Variants in SLC44A5 observed in about 807,000 individuals in gnomAD.
SLC44A5 encodes the protein choline transporter-like protein 5.
SLC44A5 carries 57 observed loss-of-function variants against 101.8 expected under a neutral mutation model. That is an observed-to-expected ratio of 0.56 (90% confidence interval 0.45 to 0.70). The LOEUF (loss-of-function observed/expected upper bound fraction) is 0.70, where lower values mean the gene tolerates loss of function less well. Ranked by LOEUF, SLC44A5 falls within the 30% of genes least tolerant of loss-of-function variation. SLC44A5 has a pLI of 0.00. For synonymous variants in SLC44A5, 281 were observed against 290.9 expected (o/e 0.97, Z 0.35); for missense variants, 737 against 853.1 (o/e 0.86, Z 1.70).
At chr1:75,670,998 G>T in the SLC44A5 span, among the ~76,000 whole-genome samples, 2 of 152,164 alleles carry the variant, frequency 1.3e-5, no homozygotes, top group African/African-American at 4.8e-5. Flanking sequence ...AGCACTGCAC[G>T]TAACATAGGG....
chr1:75,487,625 T>C (rs1013085814), intron 2 of SLC44A5, among the ~76,000 whole-genome samples: 1 of 152,246 alleles, frequency 6.6e-6, no homozygotes, highest in Non-Finnish European at 1.5e-5. Flanking sequence ...TACGTTGAGA[T>C]GATTTTTGGC....
upstream of SLC44A5, chr1:75,615,751 A>G (rs1675851451): frequency 1.5e-6 from 1 of 666,406 alleles, no homozygotes; most frequent in East Asian, 1.4e-4. Context: ...CCCCGGCAGG[A>G]GCCTTCCACT....
chr1:75,657,434 A>G, the SLC44A5 span, among the ~76,000 whole-genome samples: 1 of 151,852 alleles, frequency 6.6e-6, no homozygotes, highest in Non-Finnish European at 1.5e-5. Flanking sequence ...CTGTAGACCC[A>G]GCTACTAGGT....
intron 2 of SLC44A5, among the ~76,000 whole-genome samples, chr1:75,454,247 C>T (rs191398570): frequency 5.2e-4 from 79 of 152,024 alleles, no homozygotes; most frequent in African/African-American, 1.5e-3. Flanking sequence ...GTTCAACATG[C>T]GCAAATCAAT....
intron 4 of SLC44A5, among the ~76,000 whole-genome samples, chr1:75,331,704 C>T (rs1474300232): frequency 1.3e-5 from 2 of 152,262 alleles, no homozygotes; most frequent in East Asian, 1.9e-4. Flanking sequence ...GCATCTCCTA[C>T]CCACCCACTA....
intron 2 of SLC44A5, among the ~76,000 whole-genome samples, chr1:75,506,366 A>G (rs1303172801): frequency 6.6e-6 from 1 of 152,188 alleles, no homozygotes. Flanking sequence ...ACTTTAGAAT[A>G]GTTTGTTTCT....
At chr1:75,243,645 T>C (rs1648854310) in intron 7 of SLC44A5, among the ~76,000 whole-genome samples, 1 of 152,118 alleles carries the variant, frequency 6.6e-6, no homozygotes, top group South Asian at 2.1e-4. Context: ...CACTCTGTTT[T>C]CCTCAATGGT....
chr1:75,591,236 G>A (rs1249915339), intron 1 of SLC44A5, among the ~76,000 whole-genome samples: 2 of 152,122 alleles, frequency 1.3e-5, no homozygotes, highest in South Asian at 2.1e-4. Flanking sequence ...CCCTAAGGTG[G>A]GAGAAAGTGA....
intron 2 of SLC44A5, among the ~76,000 whole-genome samples, chr1:75,461,382 T>C (rs986979001): frequency 3.9e-5 from 6 of 152,340 alleles, no homozygotes; most frequent in East Asian, 1.9e-4. Context: ...GTTATCTTAA[T>C]TGAATCCTTA....
chr1:75,678,423 G>T, the SLC44A5 span, among the ~76,000 whole-genome samples: 3 of 152,130 alleles, frequency 2.0e-5, no homozygotes, highest in Non-Finnish European at 2.9e-5. Context: ...CTGAGAACGG[G>T]CAGATTGCCT....
intron 1 of SLC44A5, among the ~76,000 whole-genome samples, chr1:75,572,814 G>A (rs1673143439): frequency 6.6e-6 from 1 of 151,862 alleles, no homozygotes; most frequent in African/African-American, 2.4e-5. Flanking sequence ...AATAAATTCA[G>A]GCTTAAGCAT....
chr1:75,240,478 T>A (rs569939627), intron 9 of SLC44A5, among the ~76,000 whole-genome samples: 1 of 152,130 alleles, frequency 6.6e-6, no homozygotes, highest in Non-Finnish European at 1.5e-5. Flanking sequence ...AAAGTGTACT[T>A]GTAAGGGCAG....
chr1:75,218,889 C>G (rs1431430189), intron 16 of SLC44A5, 137 bp from the exon 17 acceptor site: 2 of 761,940 alleles, frequency 2.6e-6, no homozygotes, highest in East Asian at 2.7e-5. Context: ...CCTCTATTTT[C>G]TGTTATATCA....
intron 2 of SLC44A5, among the ~76,000 whole-genome samples, chr1:75,444,568 T>C (rs1388296909): frequency 6.6e-6 from 1 of 150,808 alleles, no homozygotes; most frequent in Non-Finnish European, 1.5e-5. Context: ...ATTTTATTGT[T>C]ATTTTTGCTT....
At chr1:75,699,599 G>GAA in the SLC44A5 span, among the ~76,000 whole-genome samples, 5,586 of 101,996 alleles carry the variant, frequency 0.055, 157 homozygotes, top group African/African-American at 0.11. Flanking sequence ...ACCAATTAAC[G>GAA]AAAAAAAAAA....
intron 6 of SLC44A5, among the ~76,000 whole-genome samples, chr1:75,253,246 C>A (rs570790713): frequency 6.6e-6 from 1 of 152,258 alleles, no homozygotes; most frequent in Admixed American, 6.5e-5. Flanking sequence ...GCAGGCCAGG[C>A]CCTCTCTCTC....
chr1:75,458,625 G>C (rs1466945746), intron 2 of SLC44A5, among the ~76,000 whole-genome samples: 2 of 152,080 alleles, frequency 1.3e-5, no homozygotes, highest in Admixed American at 1.3e-4. Flanking sequence ...AAAATCAGAA[G>C]AATGTATTCA....
At chr1:75,332,888 C>T (rs1570699981) in intron 4 of SLC44A5, among the ~76,000 whole-genome samples, 1 of 152,278 alleles carries the variant, frequency 6.6e-6, no homozygotes, top group East Asian at 1.9e-4. Context: ...ATCAAGTAGA[C>T]ATCTCAAATC....
intron 5 of SLC44A5, among the ~76,000 whole-genome samples, chr1:75,280,146 ATTG>A (rs1652297050): frequency 0.03 from 8 of 268 alleles, 2 homozygotes; most frequent in African/African-American, 0.055. Context: ...ATATATATAT[ATTG>A]TATATATTAT....
Sources: allele counts gnomAD v4.1 joint callset (sites outside exome capture counted in the v4.1 genomes callset), GRCh38; gene constraint gnomAD v4.1.1; transcripts MANE v1.5; gene names NCBI Gene and HGNC (gene_info 2026-07-23, HGNC 2026-07-21).